The following C1orf105 variants were observed in gnomAD, a reference collection of about 807,000 sequenced individuals.
The protein encoded by C1orf105 is uncharacterized protein C1orf105.
A neutral mutation model predicts 20.8 loss-of-function variants in C1orf105; 17 were observed. The observed-to-expected ratio is 0.82, with a 90% CI of 0.56 to 1.23. C1orf105 has a LOEUF of 1.23. Ranked by LOEUF, C1orf105 falls within the 50% of genes most tolerant of loss-of-function variation. The pLI, the probability that C1orf105 is intolerant of heterozygous loss-of-function variation, is 0.00. For missense variants in C1orf105, 219 were observed against 213.5 expected, an observed-to-expected ratio of 1.03 and a Z score of -0.16; for synonymous variants, 72 against 72.1, an observed-to-expected ratio of 1.00 and a Z score of 0.01.
intron 1 of C1orf105, chr1:172,430,269 A>G: frequency 2.9e-6 from 2 of 700,736 alleles, no homozygotes; most frequent in Non-Finnish European, 5.2e-6. Flanking sequence ...CTGTCATACT[A>G]CTTTATACCA....
intron 2 of C1orf105, 41 bp downstream of exon 2, chr1:172,445,199 T>C: frequency 6.7e-7 from 1 of 1,481,710 alleles, no homozygotes; most frequent in Non-Finnish European, 9.4e-7. Context: ...TTACGAAACA[T>C]CTCACAGAAG....
intron 6 of C1orf105, chr1:172,465,643 G>A (rs1236955624): frequency 7.0e-6 from 4 of 570,242 alleles, no homozygotes; most frequent in South Asian, 6.1e-5. Context: ...ACTTTCCATG[G>A]AGATGGGGTA....
chr1:172,437,963 C>T (rs759077104), intron 1 of C1orf105, among the ~76,000 whole-genome samples: 2 of 151,962 alleles, frequency 1.3e-5, no homozygotes, highest in Non-Finnish European at 2.9e-5. Flanking sequence ...GACTTGACAT[C>T]GATGCTCATT....
At chr1:172,441,391 A>T (rs183856666) in intron 1 of C1orf105, 11,558 of 174,276 alleles carry the variant, frequency 0.066, 541 homozygotes, top group Non-Finnish European at 0.091. Context: ...ACACACACAC[A>T]CTTACTTCAC....
At chr1:172,445,018 G>T in intron 1 of C1orf105, 55 bp from the exon 2 acceptor site, 1 of 1,423,128 alleles carries the variant, frequency 7.0e-7, no homozygotes. Flanking sequence ...CCATCGTAAT[G>T]ATAGCAATGT....
chr1:172,445,056 T>G lies in C1orf105; in HGVS notation c.22-17T>G. 1 of 1,593,638 alleles carries G rather than the reference T, an allele frequency of 6.3e-7. No homozygotes were observed. The highest frequency in any genetic ancestry group is 8.6e-7 in the Non-Finnish European group (1 of 1,164,072). ...AAGTGTGATATATTCTGTAAAATGTTCTCTATTTCCCTCTAGGCTTCTGTT... is the reference window on the plus strand; with the variant it reads ...AAGTGTGATATATTCTGTAAAATGTGCTCTATTTCCCTCTAGGCTTCTGTT... On this transcript the variant is annotated splice_polypyrimidine_tract_variant and intron_variant, in intron 1 of 6. Coordinates refer to ENST00000367727, the MANE Select transcript of C1orf105 (RefSeq NM_139240.4).
chr1:172,429,601 G>A (rs2071813934), intron 1 of C1orf105, among the ~76,000 whole-genome samples: 1 of 152,130 alleles, frequency 6.6e-6, no homozygotes, highest in South Asian at 2.1e-4. Flanking sequence ...TTGTCCTTGA[G>A]CCTTTGGCTT....
chr1:172,442,286 C>G lies in C1orf105; in HGVS notation c.22-2787C>G. 1.9e-6 allele frequency: 3 copies of G among 1,613,746 alleles called. No individual in the cohort carries two copies. The East Asian group carries it at 6.7e-5, about 36-fold the overall frequency. On this transcript the variant is annotated intron_variant, in intron 1 of 6. Coordinates refer to ENST00000367727, the MANE Select transcript of C1orf105 (RefSeq NM_139240.4). ...TTCAGGTCAGCCCACCGGGTCTGCC[C>G]ACTCTTCTTCCGCCCTTCACCTCCA...
intron 4 of C1orf105, among the ~76,000 whole-genome samples, chr1:172,458,738 A>G (rs1649489530): frequency 6.6e-6 from 1 of 152,214 alleles, no homozygotes; most frequent in African/African-American, 2.4e-5. Context: ...CAGGATAGCC[A>G]AACAATCTTT....
intron 3 of C1orf105, chr1:172,452,866 A>G (rs1459942596): frequency 3.5e-6 from 5 of 1,445,456 alleles, no homozygotes; most frequent in Non-Finnish European, 3.6e-6. Flanking sequence ...TAGACCTGAT[A>G]AAACCAGAGC....
At chr1:172,445,179 G>C (rs756529420) in intron 2 of C1orf105, 21 bp downstream of exon 2, 4 of 1,581,220 alleles carry the variant, frequency 2.5e-6, no homozygotes. Context: ...AGCCACCGAG[G>C]GCAAAAGTTT....
chr1:172,434,990 A>C (rs1007998915), intron 1 of C1orf105, among the ~76,000 whole-genome samples: 1 of 152,238 alleles, frequency 6.6e-6, no homozygotes, highest in African/African-American at 2.4e-5. Context: ...TGAACTAGAA[A>C]ATCTAGAAGA....
chr1:172,465,131 C>T (rs1406056056), intron 5 of C1orf105, among the ~76,000 whole-genome samples, 168 bp from the exon 6 acceptor site: 2 of 151,812 alleles, frequency 1.3e-5, no homozygotes, highest in South Asian at 2.1e-4. Flanking sequence ...TGCACTGAGC[C>T]GAGATCGCAC....
At chr1:172,447,223 C>T (rs1261619030) in intron 2 of C1orf105, among the ~76,000 whole-genome samples, 1 of 152,170 alleles carries the variant, frequency 6.6e-6, no homozygotes, top group East Asian at 1.9e-4. Context: ...GCAAAGAGTT[C>T]TAATGCAGAA....
intron 6 of C1orf105, among the ~76,000 whole-genome samples, chr1:172,468,148 C>T (rs180718228): frequency 6.6e-6 from 1 of 152,040 alleles, no homozygotes; most frequent in Admixed American, 6.6e-5. Flanking sequence ...TTGGTAATGA[C>T]GTCTAATACT....
intron 3 of C1orf105, chr1:172,452,788 C>T: frequency 7.4e-7 from 1 of 1,353,234 alleles, no homozygotes; most frequent in Non-Finnish European, 9.5e-7. Flanking sequence ...TCACAACTGC[C>T]ATCTGCTATC....
At chr1:172,453,041 C>A (rs1212751822) in intron 3 of C1orf105, 1 of 1,550,542 alleles carries the variant, frequency 6.4e-7, no homozygotes, top group Non-Finnish European at 8.7e-7. Context: ...ATGAGGCCTG[C>A]AGGACATGGC....
In C1orf105 at chr1:172,468,654, C is replaced by A. The variant is rs1650243529; in HGVS notation, c.*60C>A. 4 of 1,525,996 alleles carry A rather than the reference C, an allele frequency of 2.6e-6. No individual in the cohort carries two copies. Among genetic ancestry groups the A allele is most frequent in the South Asian group, 2.5e-5 (2 of 80,970 alleles). 94.5% of individuals were successfully genotyped at this position (1,525,996 alleles called of 1,614,324 possible). On this transcript the variant is annotated 3_prime_UTR_variant, in exon 7 of 7. Coordinates refer to ENST00000367727, the MANE Select transcript of C1orf105 (RefSeq NM_139240.4). ...GAGAAAATAACCTCGCCAAGCCAAT[C>A]TTTGACACTGGCACCTTCTCCTCAC...
At position 172,422,625 on chromosome 1, in the gene C1orf105, C is replaced by T. The variant is rs574103259; in HGVS notation, c.21+1719C>T. Among the ~76,000 whole-genome samples the T allele has an allele frequency of 1.1e-4, 17 of 151,906 alleles. No homozygotes were observed. The East Asian group carries it at 1.2e-3, about 11-fold the overall frequency. On this transcript the variant is annotated intron_variant, in intron 1 of 6. Transcript: ENST00000367727. The stretch of plus-strand genomic sequence containing the variant: ...ACAGAGGGAAGAATAAAGGGGACTC[C>T]GTCTTGAGCTTAGGTACCAGCTTAG...
Sources: allele counts gnomAD v4.1 joint callset (sites outside exome capture counted in the v4.1 genomes callset), GRCh38; gene constraint gnomAD v4.1.1; transcripts MANE v1.5; gene names NCBI Gene and HGNC (gene_info 2026-07-23, HGNC 2026-07-21).